SUMF1: variants seen among roughly 807,000 people sequenced by gnomAD.
SUMF1 encodes formylglycine-generating enzyme.
In SUMF1, 48 loss-of-function variants were observed where a neutral mutation model predicts 47.6. The observed-to-expected ratio is 1.01, with a 90% CI of 0.80 to 1.28. The LOEUF (loss-of-function observed/expected upper bound fraction) is 1.28. SUMF1 is among the 50% of genes most tolerant of loss of function. The pLI is 0.00. For missense variants in SUMF1, 571 were observed against 485.4 expected (o/e 1.18, Z -1.66); for synonymous variants, 230 against 192.1 (o/e 1.20, Z -1.63).
At chr3:4,291,515 A>G (rs1271670521) in intron 8 of SUMF1, among the ~76,000 whole-genome samples, 2 of 152,064 alleles carry the variant, frequency 1.3e-5, no homozygotes, top group Admixed American at 1.3e-4. Context: ...GTTCCAGAAA[A>G]GGTTTGCAGT....
At chr3:4,447,577 C>CA (rs796431498) in intron 3 of SUMF1, among the ~76,000 whole-genome samples, 34 of 132,658 alleles carry the variant, frequency 2.6e-4, no homozygotes, top group East Asian at 6.5e-4. Flanking sequence ...CACTGGGTTA[C>CA]AAAAAAAAAA....
At chr3:4,158,404 G>A (rs1694502133) in intron 8 of SUMF1, among the ~76,000 whole-genome samples, 1 of 151,308 alleles carries the variant, frequency 6.6e-6, no homozygotes, top group South Asian at 2.1e-4. Context: ...CATGTGCTGA[G>A]GAGAAGAATG....
At chr3:4,036,391 C>A (rs548284918) in intron 9 of SUMF1, among the ~76,000 whole-genome samples, 1 of 152,188 alleles carries the variant, frequency 6.6e-6, no homozygotes, top group South Asian at 2.1e-4. Context: ...CAGGGAGAGA[C>A]CACCTCCCTG....
chr3:4,226,293 A>G (rs1230808665), intron 8 of SUMF1, among the ~76,000 whole-genome samples: 3 of 116,614 alleles, frequency 2.6e-5, no homozygotes, highest in Non-Finnish European at 4.9e-5. Context: ...TTTTTGAGAC[A>G]GAGTCTCACT....
chr3:4,262,110 G>A (rs1161655137), intron 8 of SUMF1, among the ~76,000 whole-genome samples: 1 of 151,956 alleles, frequency 6.6e-6, no homozygotes, highest in South Asian at 2.1e-4. Flanking sequence ...GTCTATGCCC[G>A]GCCTCAACCC....
At chr3:4,252,109 G>A (rs1447306277) in intron 8 of SUMF1, among the ~76,000 whole-genome samples, 2 of 152,122 alleles carry the variant, frequency 1.3e-5, no homozygotes, top group South Asian at 2.1e-4. Context: ...TCACCCCACT[G>A]ACCTAAGTAA....
chr3:4,264,964 T>C (rs1697159321), intron 8 of SUMF1, among the ~76,000 whole-genome samples: 1 of 151,838 alleles, frequency 6.6e-6, no homozygotes, highest in South Asian at 2.1e-4. Flanking sequence ...TGAGACCCTA[T>C]CTCTACTAAA....
At chr3:4,043,160 A>C (rs1355864835) in intron 9 of SUMF1, among the ~76,000 whole-genome samples, 1 of 151,958 alleles carries the variant, frequency 6.6e-6, no homozygotes, top group Non-Finnish European at 1.5e-5. Context: ...CTCCTTCCAC[A>C]GTGGTAGGTC....
At chr3:4,203,515 T>C (rs1695584416) in intron 8 of SUMF1, among the ~76,000 whole-genome samples, 1 of 152,000 alleles carries the variant, frequency 6.6e-6, no homozygotes, top group East Asian at 1.9e-4. Flanking sequence ...CAACAGATTA[T>C]TGGTCCTGTT....
At chr3:4,237,141 C>T (rs1364228470) in intron 8 of SUMF1, among the ~76,000 whole-genome samples, 1 of 151,924 alleles carries the variant, frequency 6.6e-6, no homozygotes, top group Non-Finnish European at 1.5e-5. Context: ...ATTCATTCAC[C>T]CAGTGAAGAA....
rs558052378 is a variant in SUMF1 at position 4,329,380 on chromosome 3, C to G, written c.1014+46950G>C. Among the ~76,000 whole-genome samples the G allele has an allele frequency of 1.8e-4, 27 of 152,374 alleles. 1 individual carries two copies. In the South Asian group the frequency reaches 5.6e-3, roughly 32 times the overall value. On this transcript the variant is annotated intron_variant and NMD_transcript_variant, in intron 8 of 12. Transcript: ENST00000448413. ...ACATCCAGGCATTTCCGTACATCCT[C>G]TGAAATATAGGTGGAGGTTCCCAAA... is the stretch of plus-strand genomic sequence containing the variant.
intron 8 of SUMF1, among the ~76,000 whole-genome samples, chr3:4,259,007 G>T (rs12631905): frequency 1.1e-3 from 161 of 147,560 alleles, no homozygotes; most frequent in African/African-American, 3.4e-3. Context: ...GTAAACTATC[G>T]CAAGAACAAA....
chr3:4,126,806 T>G (rs746748264), intron 8 of SUMF1, among the ~76,000 whole-genome samples: 65 of 152,262 alleles, frequency 4.3e-4, no homozygotes, highest in Admixed American at 2.2e-3. Context: ...AAGAAATAAT[T>G]TTTCAGTCCT....
chr3:4,270,559 G>C (rs1299956496), intron 8 of SUMF1, among the ~76,000 whole-genome samples: 1 of 152,088 alleles, frequency 6.6e-6, no homozygotes, highest in African/African-American at 2.4e-5. Context: ...GCCATAACAA[G>C]GGTATATATT....
intron 8 of SUMF1, among the ~76,000 whole-genome samples, chr3:4,267,919 A>G (rs1356227940): frequency 2.7e-5 from 4 of 150,924 alleles, no homozygotes; most frequent in Non-Finnish European, 5.9e-5. Flanking sequence ...TCATGCTGCT[A>G]TAAAGACACA....
At chr3:4,071,446 T>C (rs74283045) in intron 8 of SUMF1, among the ~76,000 whole-genome samples, 15,414 of 152,146 alleles carry the variant, frequency 0.1, 1,577 homozygotes, top group African/African-American at 0.24. Context: ...CCTGCCCAAA[T>C]ACTGCACCTT....
chr3:4,049,283 C>T (rs1235161911), intron 9 of SUMF1, among the ~76,000 whole-genome samples: 2 of 152,124 alleles, frequency 1.3e-5, no homozygotes, highest in Admixed American at 6.5e-5. Context: ...AATTCAATAG[C>T]TCTCACAGCT....
chr3:4,091,940 C>A (rs1242722072), intron 8 of SUMF1, among the ~76,000 whole-genome samples: 1 of 151,844 alleles, frequency 6.6e-6, no homozygotes, highest in Non-Finnish European at 1.5e-5. Context: ...TTGGACCCCC[C>A]TCAAAGGACA....
chr3:4,339,571 C>G (rs1699226491), intron 8 of SUMF1, among the ~76,000 whole-genome samples: 1 of 151,888 alleles, frequency 6.6e-6, no homozygotes, highest in Non-Finnish European at 1.5e-5. Flanking sequence ...GTTGTAGCTG[C>G]GGACAGGGTC....
Sources: gnomAD v4.1 joint callset for allele counts (sites outside exome capture counted in the v4.1 genomes callset) on GRCh38, gnomAD v4.1.1 for gene constraint, MANE v1.5 for transcripts, NCBI Gene and HGNC (gene_info 2026-07-23, HGNC 2026-07-21) for gene names.